Variants in NTN1 observed in about 807,000 individuals in gnomAD.
NTN1 encodes netrin-1.
In NTN1, 11 loss-of-function variants were observed where a neutral mutation model predicts 54.2. That is an observed-to-expected ratio of 0.20 (90% CI 0.13 to 0.34). The LOEUF is 0.34. Ranked by LOEUF, NTN1 falls within the 10% of genes least tolerant of loss-of-function variation. The pLI is 1.00. For missense variants in NTN1, 740 were observed against 893.1 expected (o/e 0.83, Z 2.18); for synonymous variants, 371 against 382.0 (o/e 0.97, Z 0.33).
intron 2 of NTN1, among the ~76,000 whole-genome samples, chr17:9,078,854 G>A (rs946480034): frequency 3.9e-5 from 6 of 152,172 alleles, no homozygotes; most frequent in African/African-American, 7.2e-5. Flanking sequence ...GAAATGATGC[G>A]GTTTGCTCCA....
rs368958625 is a variant in NTN1, at chr17:9,117,076, C to T, written c.1019-45737C>T. ...GAGAGGAGCCTCTGGGAGCGACACC[C>T]GGGGAAGCTGTGAGGCGTGAAAGGG... On this transcript the variant is annotated intron_variant, in intron 2 of 6. Transcript: ENST00000173229. 5.4e-4 allele frequency among the ~76,000 whole-genome samples: 82 copies of T among 152,240 alleles called. No homozygotes were observed. The South Asian group carries it at 0.015, about 29-fold the overall frequency.
At chr17:9,210,857 G>A (rs1905089653) in intron 5 of NTN1, among the ~76,000 whole-genome samples, 1 of 114,628 alleles carries the variant, frequency 8.7e-6, no homozygotes, top group Non-Finnish European at 1.6e-5. Flanking sequence ...AGTGAGCCAA[G>A]ATCACACCAC....
At chr17:9,061,269 A>T (rs910907346) in intron 2 of NTN1, among the ~76,000 whole-genome samples, 2 of 152,120 alleles carry the variant, frequency 1.3e-5, no homozygotes, top group Non-Finnish European at 2.9e-5. Flanking sequence ...GGAAGGTGGC[A>T]GTTGAAAATA....
At chr17:9,089,585 T>C (rs2092102433) in intron 2 of NTN1, among the ~76,000 whole-genome samples, 1 of 151,950 alleles carries the variant, frequency 6.6e-6, no homozygotes, top group Non-Finnish European at 1.5e-5. Context: ...CCCTGGTGGG[T>C]TTTTCACTGC....
chr17:9,166,079 G>A (rs2092372080), intron 3 of NTN1, among the ~76,000 whole-genome samples: 1 of 151,942 alleles, frequency 6.6e-6, no homozygotes, highest in Admixed American at 6.6e-5. Context: ...CCATCGTTAG[G>A]AGAAGTTCAG....
chr17:9,028,436 C>T (rs992918058), intron 2 of NTN1, among the ~76,000 whole-genome samples: 4 of 152,140 alleles, frequency 2.6e-5, no homozygotes, highest in African/African-American at 9.7e-5. Flanking sequence ...CCACCCAGAG[C>T]AGGGAGGCAG....
chr17:9,115,431 A>G (rs1174774850), intron 2 of NTN1, among the ~76,000 whole-genome samples: 2 of 152,218 alleles, frequency 1.3e-5, no homozygotes, highest in African/African-American at 4.8e-5. Context: ...TTTCCTTCTC[A>G]GAGCTCATTG....
At chr17:9,196,834 A>T (rs1262642603) in intron 5 of NTN1, among the ~76,000 whole-genome samples, 1 of 152,134 alleles carries the variant, frequency 6.6e-6, no homozygotes, top group East Asian at 1.9e-4. Context: ...AGAGATCTGA[A>T]ATTATTTGCA....
At chr17:9,213,043 G>A (rs150779836) in intron 5 of NTN1, among the ~76,000 whole-genome samples, 52 of 152,308 alleles carry the variant, frequency 3.4e-4, no homozygotes, top group Admixed American at 2.6e-4. Flanking sequence ...GGACGGTCTC[G>A]GCCGCTGGGA....
intron 2 of NTN1, among the ~76,000 whole-genome samples, chr17:9,056,110 A>G (rs1015908117): frequency 2.0e-5 from 3 of 151,912 alleles, no homozygotes; most frequent in Non-Finnish European, 2.9e-5. Flanking sequence ...AGGCTGGAGT[A>G]CAACGGCGTG....
intron 2 of NTN1, among the ~76,000 whole-genome samples, chr17:9,121,224 CCTT>C (rs1206921231): frequency 2.0e-5 from 3 of 152,288 alleles, no homozygotes; most frequent in South Asian, 2.1e-4. Context: ...ATAGTTTTCT[CCTT>C]CTTTTCCTAG....
At chr17:9,168,115 C>T (rs1316402160) in intron 3 of NTN1, among the ~76,000 whole-genome samples, 1 of 151,968 alleles carries the variant, frequency 6.6e-6, no homozygotes, top group Non-Finnish European at 1.5e-5. Flanking sequence ...TAAGGGAAGA[C>T]TTGTAGGCAG....
At chr17:9,125,641 T>C (rs1230047402) in intron 2 of NTN1, among the ~76,000 whole-genome samples, 2 of 152,184 alleles carry the variant, frequency 1.3e-5, no homozygotes, top group Non-Finnish European at 1.5e-5. Flanking sequence ...GGTCTCACTC[T>C]GTCACCCAGG....
the NTN1 span, among the ~76,000 whole-genome samples, chr17:9,003,259 T>A: frequency 4.7e-5 from 7 of 150,458 alleles, no homozygotes; most frequent in African/African-American, 7.3e-5. This position sits in a 1 kb window ranked among gnomAD's most constrained non-coding sequence, Gnocchi z 7.4. Flanking sequence ...CAAGTTTTCT[T>A]GAAGGCCTCG....
rs562634728 is a variant in NTN1, at chr17:9,034,770, G to GA, written c.1018+11383dup. Among the ~76,000 whole-genome samples the GA allele has an allele frequency of 2.4e-4, 36 of 152,086 alleles. 1 individual carries two copies. In the South Asian group the frequency reaches 7.3e-3, roughly 31 times the overall value. ...TTTATTGTAGTGTAACACATGTAGA[G>GA]AAAATCCCATGAATTATGTGTCCAG... On this transcript the variant is annotated intron_variant, in intron 2 of 6. Transcript: ENST00000173229.
At chr17:9,149,570 C>T (rs2092321939) in intron 2 of NTN1, among the ~76,000 whole-genome samples, 2 of 152,156 alleles carry the variant, frequency 1.3e-5, no homozygotes, top group South Asian at 4.1e-4. Flanking sequence ...TCCCTGGCAA[C>T]ATCTCTTTGC....
At chr17:9,080,548 C>T (rs1008764792) in intron 2 of NTN1, among the ~76,000 whole-genome samples, 3 of 152,180 alleles carry the variant, frequency 2.0e-5, no homozygotes, top group African/African-American at 7.2e-5. Context: ...CTCCTAAAAT[C>T]CTTGGAATCT....
In NTN1 at chr17:9,043,090, T is replaced by A. The variant is rs563549606; in HGVS notation, c.1018+19699T>A. 1.5e-3 allele frequency among the ~76,000 whole-genome samples: 234 copies of A among 152,318 alleles called. 1 individual carries two copies. The highest frequency in any genetic ancestry group is 2.0e-3 in the African/African-American group (83 of 41,580). ...TCAAATCTGGTAATTTGTTTTTTTT[T>A]AAAAATCATTTACCCAGATTTTCAT... On this transcript the variant is annotated intron_variant, in intron 2 of 6. Coordinates refer to ENST00000173229, the MANE Select transcript of NTN1 (RefSeq NM_004822.3).
intron 2 of NTN1, among the ~76,000 whole-genome samples, chr17:9,023,819 T>A (rs1177836765): frequency 6.6e-6 from 1 of 152,188 alleles, no homozygotes; most frequent in Non-Finnish European, 1.5e-5. Flanking sequence ...AAGTTCCAAC[T>A]CCACACCTAC....
Sources: gnomAD v4.1 joint callset for allele counts (sites outside exome capture counted in the v4.1 genomes callset) on GRCh38, gnomAD v4.1.1 for gene constraint, Gnocchi (gnomAD v3.1) non-coding constraint, MANE v1.5 for transcripts, NCBI Gene and HGNC (gene_info 2026-07-23, HGNC 2026-07-21) for gene names.